ENOSF1: variants seen among roughly 807,000 people sequenced by gnomAD.
ENOSF1 encodes the protein enolase superfamily member 1, also known as mitochondrial enolase superfamily member 1.
Under a neutral mutation model 68.2 loss-of-function variants are expected in ENOSF1, and 73 were observed. The ratio of observed to expected loss-of-function variants is 1.07; its 90% CI spans 0.89 to 1.30. The LOEUF (loss-of-function observed/expected upper bound fraction) is 1.30. ENOSF1 is among the 50% of genes most tolerant of loss of function. The pLI is 0.00. For synonymous variants in ENOSF1, 223 were observed against 210.4 expected (o/e 1.06, Z -0.52); for missense variants, 589 against 554.5 (o/e 1.06, Z -0.62).
chr18:683,448 A>C (rs1055827601), intron 10 of ENOSF1, 68 bp from the exon 11 acceptor site: 1 of 1,583,120 alleles, frequency 6.3e-7, no homozygotes, highest in Non-Finnish European at 8.6e-7. Flanking sequence ...TGCGGCTCCC[A>C]GGGAGGAAAT....
At chr18:705,101 C>A (rs1026170609) in intron 2 of ENOSF1, among the ~76,000 whole-genome samples, 1 of 152,204 alleles carries the variant, frequency 6.6e-6, no homozygotes, top group African/African-American at 2.4e-5. Context: ...CAAACTCACA[C>A]ACTTCTTTTA....
At chr18:693,287 C>T (rs1355849474) in intron 5 of ENOSF1, 7 of 1,265,082 alleles carry the variant, frequency 5.5e-6, no homozygotes, top group Non-Finnish European at 7.2e-6. Context: ...ATGGCCTGAT[C>T]TTATTCTTGG....
chr18:685,538 C>T (rs2076535339), intron 10 of ENOSF1, among the ~76,000 whole-genome samples: 1 of 152,112 alleles, frequency 6.6e-6, no homozygotes, highest in Non-Finnish European at 1.5e-5. Context: ...AATGACTGAT[C>T]CTTACATTTA....
At chr18:711,616 T>C (rs1050048284) in intron 1 of ENOSF1, among the ~76,000 whole-genome samples, 1 of 152,168 alleles carries the variant, frequency 6.6e-6, no homozygotes, top group African/African-American at 2.4e-5. Flanking sequence ...CAGAACCCAC[T>C]GTATTTGGGA....
At chr18:675,283 A>C in intron 15 of ENOSF1, 38 bp downstream of exon 15, 1 of 1,533,068 alleles carries the variant, frequency 6.5e-7, no homozygotes, top group Non-Finnish European at 9.0e-7. Flanking sequence ...AGTGGCTGGC[A>C]GCATCTCTTC....
intron 2 of ENOSF1, among the ~76,000 whole-genome samples, chr18:703,323 G>A (rs1456767077): frequency 2.6e-5 from 4 of 152,128 alleles, no homozygotes; most frequent in African/African-American, 4.8e-5. Flanking sequence ...GCCCCTCCAC[G>A]TGTGCCCAAG....
intron 2 of ENOSF1, among the ~76,000 whole-genome samples, chr18:704,306 G>A (rs1198132136): frequency 6.6e-6 from 1 of 151,776 alleles, no homozygotes; most frequent in South Asian, 2.1e-4. Flanking sequence ...GTGTGTGCCT[G>A]TAATCCCAGC....
chr18:710,149 C>T (rs1212327785), intron 1 of ENOSF1, among the ~76,000 whole-genome samples: 1 of 152,092 alleles, frequency 6.6e-6, no homozygotes, highest in Non-Finnish European at 1.5e-5. Context: ...CTCTCTCTCA[C>T]CCAGGCTGGA....
At chr18:695,878 G>C (rs1568099141) in intron 3 of ENOSF1, among the ~76,000 whole-genome samples, 3 of 152,146 alleles carry the variant, frequency 2.0e-5, no homozygotes, top group Non-Finnish European at 4.4e-5. Context: ...ATCTTTCAAG[G>C]TAAGTTTAAT....
downstream of ENOSF1, among the ~76,000 whole-genome samples, chr18:667,007 ATGGT>A (rs2074845392): frequency 1.5e-4 from 1 of 6,496 alleles, no homozygotes; most frequent in Non-Finnish European, 3.7e-4. Flanking sequence ...GGAGATGGTG[ATGGT>A]GATGGAGATG....
Position 674,336 on chromosome 18 carries a change from C to T in ENOSF1, c.1301G>A (p.Trp434Ter), listed in dbSNP as rs1305080681. The part of the protein sequence containing the change: ...KKHQYPDGEV[W>*]KKLLPAQEN ...TTCTTGAGCAGGAAGGAGTTTCTTC[C>T]AAACTTCACCATCTGGATACTGGTG... is the stretch of plus-strand genomic sequence containing the variant. Residue 434 changes from tryptophan (W) to a stop codon, truncating the protein, a stop_gained, in exon 16 of 16, where the codon TGG becomes TAG. Coordinates refer to ENST00000647584, the MANE Select transcript of ENOSF1 (RefSeq NM_017512.7). LOFTEE classifies it high-confidence loss of function. 2 of 1,612,204 alleles carry T rather than the reference C, an allele frequency of 1.2e-6. No individual in the cohort carries two copies. Among genetic ancestry groups the T allele is most frequent in the Non-Finnish European group, 1.7e-6 (2 of 1,179,260 alleles).
At chr18:684,004 T>TC (rs2076372368) in intron 10 of ENOSF1, among the ~76,000 whole-genome samples, 1 of 151,628 alleles carries the variant, frequency 6.6e-6, no homozygotes. Context: ...TTTTTCTTTT[T>TC]TTTTTTTGAG....
intron 2 of ENOSF1, among the ~76,000 whole-genome samples, chr18:702,132 C>T (rs1263866670): frequency 2.0e-5 from 3 of 148,760 alleles, no homozygotes; most frequent in African/African-American, 7.4e-5. Context: ...AGCATGGTGG[C>T]AGGCACCTAT....
chr18:706,092 G>A (rs3819103), intron 2 of ENOSF1, among the ~76,000 whole-genome samples: 16,200 of 152,034 alleles, frequency 0.11, 1,090 homozygotes, highest in East Asian at 0.23. Context: ...GGGAACTCAT[G>A]TCTCCTCCCT....
downstream of ENOSF1, among the ~76,000 whole-genome samples, chr18:666,235 G>A (rs1261174533): frequency 2.6e-5 from 4 of 151,450 alleles, no homozygotes; most frequent in African/African-American, 4.9e-5. Context: ...CTGCATGGTT[G>A]GTGTTCGTGC....
At chr18:678,018 G>T in intron 12 of ENOSF1, 146 bp from the exon 13 acceptor site, 1 of 985,136 alleles carries the variant, frequency 1.0e-6, no homozygotes, top group Non-Finnish European at 1.4e-6. Flanking sequence ...CTTTGTTCTC[G>T]CTGGGCATGA....
intron 9 of ENOSF1, chr18:688,291 T>TA (rs1378352125): frequency 1.7e-5 from 7 of 406,668 alleles, no homozygotes; most frequent in African/African-American, 1.4e-4. Context: ...TCAACGCTGT[T>TA]ACTGACAGTA....
downstream of ENOSF1, among the ~76,000 whole-genome samples, chr18:667,990 GAA>G (rs1491229517): frequency 7.1e-5 from 6 of 83,936 alleles, no homozygotes; most frequent in African/African-American, 3.5e-4. Context: ...AGATTCACAG[GAA>G]TTTTTTTTTT....
At chr18:694,131 G>T (rs766584538) in intron 4 of ENOSF1, 117 bp downstream of exon 4, 503 of 1,169,402 alleles carry the variant, frequency 4.3e-4, no homozygotes, top group Non-Finnish European at 5.8e-4. Flanking sequence ...AAACACCAAA[G>T]CAATTATCTG....
Sources: allele counts gnomAD v4.1 joint callset (sites outside exome capture counted in the v4.1 genomes callset), GRCh38; gene constraint gnomAD v4.1.1; transcripts MANE v1.5; gene names NCBI Gene and HGNC (gene_info 2026-07-23, HGNC 2026-07-21).